KDM3B: variants seen among roughly 807,000 people sequenced by gnomAD.
The protein encoded by KDM3B is lysine-specific demethylase 3B.
Under a neutral mutation model 170.0 loss-of-function variants are expected in KDM3B, and 10 were observed. The ratio of observed to expected loss-of-function variants is 0.06; its 90% CI spans 0.04 to 0.10. The LOEUF (loss-of-function observed/expected upper bound fraction) is 0.10. KDM3B is among the 10% of genes least tolerant of loss of function. The probability of loss-of-function intolerance (pLI) is 1.00; values close to 1 mark genes in which losing one functional copy is unlikely to be tolerated. For synonymous variants in KDM3B, 831 were observed against 834.8 expected (o/e 1.00, Z 0.08); for missense variants, 1,394 against 2,195.2 (o/e 0.64, Z 7.29).
At chr5:138,431,195 C>T (rs530064015) in intron 22 of KDM3B, among the ~76,000 whole-genome samples, 340 of 152,094 alleles carry the variant, frequency 2.2e-3, no homozygotes, top group Non-Finnish European at 4.0e-3. Flanking sequence ...TGAGCTCAAG[C>T]GATCAACCTG....
intron 11 of KDM3B, among the ~76,000 whole-genome samples, chr5:138,405,428 G>C (rs1762792464): frequency 6.6e-6 from 1 of 152,128 alleles, no homozygotes; most frequent in Admixed American, 6.5e-5. Flanking sequence ...GATCACTTGA[G>C]CTGAGAGGTT....
At chr5:138,412,188 T>G (rs567186514) in intron 11 of KDM3B, among the ~76,000 whole-genome samples, 67 of 150,548 alleles carry the variant, frequency 4.5e-4, no homozygotes, top group African/African-American at 1.5e-3. Flanking sequence ...ATACAAAAAT[T>G]AGCTGGGCGT....
intron 11 of KDM3B, among the ~76,000 whole-genome samples, chr5:138,400,599 A>G (rs1273594291): frequency 6.6e-6 from 1 of 152,088 alleles, no homozygotes; most frequent in Non-Finnish European, 1.5e-5. Flanking sequence ...AAATAAAATT[A>G]GCTAGCTAGA....
chr5:138,425,367 G>A, intron 16 of KDM3B, 44 bp from the exon 17 acceptor site: 2 of 1,592,112 alleles, frequency 1.3e-6, no homozygotes, highest in Non-Finnish European at 1.7e-6. Context: ...AGAGCTGGAA[G>A]TTTTTCCTAG....
intron 22 of KDM3B, among the ~76,000 whole-genome samples, 185 bp downstream of exon 22, chr5:138,430,610 G>A (rs530614742): frequency 6.6e-6 from 1 of 152,202 alleles, no homozygotes; most frequent in African/African-American, 2.4e-5. Flanking sequence ...TTTAAACAGG[G>A]CGGTCCTGGT....
Position 138,392,198 on chromosome 5 carries a change from T to C in KDM3B, c.2566T>C (p.Leu856=), listed in dbSNP as rs1210456539. 1 of 1,513,036 alleles carries C rather than the reference T, an allele frequency of 6.6e-7. No homozygotes were observed. The highest frequency in any genetic ancestry group is 8.9e-7 in the Non-Finnish European group (1 of 1,128,630). The allele number at this position is 1,513,036 out of a possible 1,614,324, so 93.7% of individuals were successfully genotyped here. A position where few individuals can be genotyped will look rare whatever the true frequency, so the allele number is the denominator to read the frequency against. ...CAATGGGGAGCGCAGTGCTGAGCTG[T>C]TGCTGGGCAAAAGCAAAGGGAAGCA... ...GPNGERSAEL[L]LGKSKGKQAP... is the part of the protein sequence containing the mutation. Residue 856 remains leucine, a synonymous_variant, in exon 8 of 24, where the codon TTG becomes CTG. Coordinates refer to ENST00000314358, the MANE Select transcript of KDM3B (RefSeq NM_016604.4).
chr5:138,369,998 T>C (rs1161821247), intron 1 of KDM3B, among the ~76,000 whole-genome samples: 4 of 152,230 alleles, frequency 2.6e-5, no homozygotes, highest in Non-Finnish European at 5.9e-5. Context: ...CTCCAAGCTT[T>C]GTACGTTATG....
chr5:138,380,870 ATTT>A lies in KDM3B; in HGVS notation c.706-633_706-631del, dbSNP rs775619229. Among the ~76,000 whole-genome samples, 304 of 136,158 alleles carry A rather than the reference ATTT, an allele frequency of 2.2e-3. 2 individuals are homozygous for A. Among genetic ancestry groups the A allele is most frequent in the South Asian group, 9.2e-3 (39 of 4,248 alleles). 89.3% of individuals were successfully genotyped at this position (136,158 alleles called of 152,430 possible). On this transcript the variant is annotated intron_variant, in intron 5 of 23. Transcript: ENST00000314358. ...GATCCACCATGCCCAGCCTGGAGTGATTTTTTTTTTTTTTTCTTTTTGAGACAG... is the reference window on the plus strand; with the variant it reads ...GATCCACCATGCCCAGCCTGGAGTGATTTTTTTTTTTTCTTTTTGAGACAG...
At chr5:138,398,420 G>T (rs1161300909) in intron 10 of KDM3B, 28 bp downstream of exon 10, 1 of 1,595,186 alleles carries the variant, frequency 6.3e-7, no homozygotes, top group South Asian at 1.1e-5. Context: ...TTGTCTTCCA[G>T]GTGCTCCTAG....
intron 11 of KDM3B, among the ~76,000 whole-genome samples, chr5:138,407,254 G>A (rs560991054): frequency 6.6e-6 from 1 of 152,180 alleles, no homozygotes; most frequent in South Asian, 2.1e-4. Context: ...CCAAAGTGCT[G>A]GGATTACAGG....
chr5:138,418,901 T>C lies in KDM3B; in HGVS notation c.3436-52T>C. The C allele has an allele frequency of 2.5e-6, 4 of 1,573,052 alleles. No homozygotes were observed. The South Asian group carries it at 4.5e-5, about 18-fold the overall frequency. ...TATGTGAAGCCATTACTAGTTGTAT[T>C]TTTTTCTACCCAAGCACAGCACTCT... On this transcript the variant is annotated intron_variant, in intron 13 of 23. Transcript: ENST00000314358.
chr5:138,419,297 T>C, intron 14 of KDM3B, 65 bp downstream of exon 14: 2 of 1,515,898 alleles, frequency 1.3e-6, no homozygotes, highest in South Asian at 1.2e-5. Context: ...CAGGATTCTT[T>C]GAACTCACAC....
chr5:138,376,113 G>A (rs1019871466), intron 3 of KDM3B, among the ~76,000 whole-genome samples: 25 of 152,150 alleles, frequency 1.6e-4, no homozygotes, highest in African/African-American at 5.8e-4. Context: ...ACTAGCTTGG[G>A]ATCAAAGGCA....
intron 1 of KDM3B, among the ~76,000 whole-genome samples, chr5:138,364,335 A>G (rs1761691155): frequency 6.6e-6 from 1 of 150,640 alleles, no homozygotes; most frequent in African/African-American, 2.4e-5. Context: ...GCAAAAGATA[A>G]TAATAAATGC....
In KDM3B at chr5:138,375,204, C is replaced by CAGG; in HGVS notation, c.473_474+1dup. 6.3e-7 allele frequency: 1 copy of CAGG among 1,594,968 alleles called. No individual in the cohort carries two copies. The highest frequency in any genetic ancestry group is 8.6e-7 in the Non-Finnish European group (1 of 1,162,740). ...AGATGCCAATGGGTTGCATCTGTTT[C>CAGG]AGGTATTTAACACTTGCTTTAGTCT... On this transcript the variant is annotated inframe_insertion and splice_region_variant, in exon 3 of 24. Transcript: ENST00000314358.
At chr5:138,370,061 C>G (rs1361476603) in intron 1 of KDM3B, among the ~76,000 whole-genome samples, 1 of 152,196 alleles carries the variant, frequency 6.6e-6, no homozygotes. Flanking sequence ...GAATATATCT[C>G]TCTCTTTCCA....
intron 9 of KDM3B, among the ~76,000 whole-genome samples, chr5:138,397,498 A>T (rs1052347995): frequency 6.6e-6 from 1 of 152,090 alleles, no homozygotes; most frequent in East Asian, 1.9e-4. Flanking sequence ...ACAGAACGCA[A>T]CTTTGTCTCC....
chr5:138,428,181 T>C (rs950289889), intron 20 of KDM3B, 95 bp downstream of exon 20: 1 of 1,225,266 alleles, frequency 8.2e-7, no homozygotes, highest in Non-Finnish European at 1.1e-6. Context: ...GGCTTTTCCT[T>C]TTTTTTTTCT....
intron 11 of KDM3B, among the ~76,000 whole-genome samples, chr5:138,400,702 T>C (rs11746380): frequency 0.4 from 60,663 of 151,816 alleles, 12,399 homozygotes; most frequent in East Asian, 0.57. Flanking sequence ...TGAGCTATGA[T>C]CATACCACTG....
Sources: gnomAD v4.1 joint callset for allele counts (sites outside exome capture counted in the v4.1 genomes callset) on GRCh38, gnomAD v4.1.1 for gene constraint, MANE v1.5 for transcripts, NCBI Gene and HGNC (gene_info 2026-07-23, HGNC 2026-07-21) for gene names.